The following RNF220 variants were observed in gnomAD, a reference collection of about 807,000 sequenced individuals.
The protein encoded by RNF220 is ring finger protein 220.
A neutral mutation model predicts 67.1 loss-of-function variants in RNF220; 7 were observed. The observed-to-expected ratio is 0.10, with a 90% CI of 0.06 to 0.20. The LOEUF is 0.20. Ranked by LOEUF, RNF220 falls within the 10% of genes least tolerant of loss-of-function variation. RNF220 has a pLI of 1.00. For missense variants in RNF220, 565 were observed against 740.3 expected (o/e 0.76, Z 2.75); for synonymous variants, 270 against 283.2 (o/e 0.95, Z 0.47).
At chr1:44,513,568 C>T (rs192177308) in intron 2 of RNF220, among the ~76,000 whole-genome samples, 6 of 152,278 alleles carry the variant, frequency 3.9e-5, no homozygotes, top group African/African-American at 9.6e-5. Context: ...CGAGGGCCTT[C>T]CAGACGGGGG....
chr1:44,461,920 C>CTTTTTTTTTTTTT lies in RNF220; in HGVS notation c.625+49201_625+49202insTTTTTTTTTTTTT, dbSNP rs1445179984. 1.3e-4 allele frequency among the ~76,000 whole-genome samples: 15 copies of CTTTTTTTTTTTTT among 118,156 alleles called. 1 individual carries two copies. The highest frequency in any genetic ancestry group is 4.8e-4 in the African/African-American group (14 of 29,212). The allele number at this position is 118,156 out of a possible 152,430, so 77.5% of individuals were successfully genotyped here. On this transcript the variant is annotated intron_variant, in intron 2 of 14. Transcript: ENST00000361799. ...ATCATATTTTTTTCTTTTCTTTTTTCTTTGTTTTTTTTTTTTTTTTTTTTT... is the reference window on the plus strand; with the variant it reads ...ATCATATTTTTTTCTTTTCTTTTTTCTTTTTTTTTTTTTTTTGTTTTTTTTTTTTTTTTTTTTT...
chr1:44,427,095 T>A (rs530632008), intron 2 of RNF220, among the ~76,000 whole-genome samples: 1 of 152,288 alleles, frequency 6.6e-6, no homozygotes, highest in Admixed American at 6.5e-5. Context: ...GATTTAATCC[T>A]CATAAAATCC....
intron 2 of RNF220, among the ~76,000 whole-genome samples, chr1:44,432,398 G>A (rs1328449703): frequency 6.6e-6 from 1 of 151,330 alleles, no homozygotes; most frequent in Non-Finnish European, 1.5e-5. Context: ...AGCCTCCTGA[G>A]TAGCAGGGAT....
intron 2 of RNF220, among the ~76,000 whole-genome samples, chr1:44,531,817 C>A (rs144918781): frequency 3.9e-5 from 6 of 152,306 alleles, no homozygotes; most frequent in African/African-American, 1.4e-4. Context: ...GCTCATTATT[C>A]TTCAAAGCAG....
chr1:44,540,559 C>T (rs901808974), intron 2 of RNF220, among the ~76,000 whole-genome samples: 16 of 152,176 alleles, frequency 1.1e-4, no homozygotes, highest in African/African-American at 3.4e-4. Context: ...CACTCCCCCT[C>T]GCCTCTGCCT....
At chr1:44,539,367 C>G (rs920292831) in intron 2 of RNF220, among the ~76,000 whole-genome samples, 1 of 152,128 alleles carries the variant, frequency 6.6e-6, no homozygotes, top group African/African-American at 2.4e-5. Context: ...CCCAAATGCC[C>G]GAGCTTTCTA....
chr1:44,629,594 T>A (rs1315153603), intron 5 of RNF220, among the ~76,000 whole-genome samples: 2 of 152,126 alleles, frequency 1.3e-5, no homozygotes, highest in African/African-American at 4.8e-5. Flanking sequence ...TCTCAGCACT[T>A]TGGGAGGCCA....
chr1:44,448,237 T>G (rs1387323999), intron 2 of RNF220, among the ~76,000 whole-genome samples: 1 of 152,238 alleles, frequency 6.6e-6, no homozygotes, highest in Non-Finnish European at 1.5e-5. Context: ...AGGCAGAGGT[T>G]GCAGTGAGCC....
chr1:44,605,197 G>T (rs188162803), intron 2 of RNF220, among the ~76,000 whole-genome samples: 23 of 151,640 alleles, frequency 1.5e-4, no homozygotes, highest in Middle Eastern at 3.4e-3. Context: ...TTCTCAGGAG[G>T]CTGAGGCAGG....
chr1:44,514,900 G>A lies in RNF220; in HGVS notation c.626-99265G>A, dbSNP rs147637082. ...ATGCTCCAGATGCAAAGATTGGCACGTCCAGCAGGGCAGGTAGAGTTTAAA... is the reference window on the plus strand; with the variant it reads ...ATGCTCCAGATGCAAAGATTGGCACATCCAGCAGGGCAGGTAGAGTTTAAA... On this transcript the variant is annotated intron_variant, in intron 2 of 14. Coordinates refer to ENST00000361799, the MANE Select transcript of RNF220 (RefSeq NM_018150.4). Among the ~76,000 whole-genome samples, 1,072 of 152,234 alleles carry A rather than the reference G, an allele frequency of 7.0e-3. 8 individuals carry two copies. The highest frequency in any genetic ancestry group is 0.032 in the South Asian group (153 of 4,824).
chr1:44,552,437 A>G (rs1487310047), intron 2 of RNF220, among the ~76,000 whole-genome samples: 5 of 151,868 alleles, frequency 3.3e-5, no homozygotes, highest in African/African-American at 1.2e-4. Flanking sequence ...TCAAGTCTGC[A>G]GTGAGCCATG....
At chr1:44,618,542 A>C (rs1351099802) in intron 3 of RNF220, among the ~76,000 whole-genome samples, 3 of 152,204 alleles carry the variant, frequency 2.0e-5, no homozygotes, top group Non-Finnish European at 2.9e-5. Context: ...CAGGGGTTCC[A>C]TCAGACCCCA....
At chr1:44,421,600 G>C (rs72893850) in intron 2 of RNF220, among the ~76,000 whole-genome samples, 2,612 of 149,996 alleles carry the variant, frequency 0.017, 94 homozygotes, top group African/African-American at 0.062. Flanking sequence ...GAGATGGGGG[G>C]GCTGCCTGGG....
chr1:44,608,390 G>A (rs1429923412), intron 2 of RNF220, among the ~76,000 whole-genome samples: 1 of 152,218 alleles, frequency 6.6e-6, no homozygotes, highest in Non-Finnish European at 1.5e-5. Context: ...CATCTGTGGA[G>A]TCATATTGAA....
At chr1:44,632,145 C>T (rs780822864) in intron 5 of RNF220, 198 bp from the exon 6 acceptor site, 1 of 1,539,126 alleles carries the variant, frequency 6.5e-7, no homozygotes, top group Non-Finnish European at 8.8e-7. Context: ...TAGAGCAGCG[C>T]CCGGCGGCTA....
chr1:44,407,425 G>C (rs1429359649), intron 1 of RNF220, among the ~76,000 whole-genome samples: 1 of 152,212 alleles, frequency 6.6e-6, no homozygotes, highest in Admixed American at 6.5e-5. Context: ...TGAGCAGAGG[G>C]GGGAAAGGCA....
chr1:44,447,604 G>T (rs1430358798), intron 2 of RNF220, among the ~76,000 whole-genome samples: 1 of 152,174 alleles, frequency 6.6e-6, no homozygotes, highest in Non-Finnish European at 1.5e-5. Flanking sequence ...ATATGTAGCC[G>T]CCATGGATGA....
intron 2 of RNF220, among the ~76,000 whole-genome samples, chr1:44,603,945 T>G (rs1213405753): frequency 6.6e-6 from 1 of 152,260 alleles, no homozygotes; most frequent in Non-Finnish European, 1.5e-5. Flanking sequence ...CAGCTCAGGA[T>G]TTATTGCCCA....
intron 1 of RNF220, among the ~76,000 whole-genome samples, chr1:44,410,122 G>A (rs1375252321): frequency 6.6e-6 from 1 of 152,012 alleles, no homozygotes; most frequent in Non-Finnish European, 1.5e-5. Context: ...GATCTAGGAA[G>A]TAAAAATAGC....
Sources: allele counts gnomAD v4.1 joint callset (sites outside exome capture counted in the v4.1 genomes callset), GRCh38; gene constraint gnomAD v4.1.1; transcripts MANE v1.5; gene names NCBI Gene and HGNC (gene_info 2026-07-23, HGNC 2026-07-21).